The following DGKB variants were observed in gnomAD, a reference collection of about 807,000 sequenced individuals.
DGKB encodes diacylglycerol kinase beta, also known as 90 kDa diacylglycerol kinase.
A neutral mutation model predicts 114.3 loss-of-function variants in DGKB; 67 were observed. That is an observed-to-expected ratio of 0.59 (90% CI 0.48 to 0.72). The LOEUF (loss-of-function observed/expected upper bound fraction) is 0.72. Ranked by LOEUF, DGKB falls within the 30% of genes least tolerant of loss-of-function variation. The pLI is 0.00. For missense variants in DGKB, 907 were observed against 975.2 expected, an observed-to-expected ratio of 0.93 and a Z score of 0.93; for synonymous variants, 398 against 323.1, an observed-to-expected ratio of 1.23 and a Z score of -2.49.
intron 1 of DGKB, among the ~76,000 whole-genome samples, chr7:14,895,379 G>GA (rs1183025803): frequency 2.0e-5 from 3 of 151,464 alleles, no homozygotes; most frequent in Non-Finnish European, 1.5e-5. Flanking sequence ...GGTCTACAAT[G>GA]AAAAAAACAT....
At chr7:14,369,908 C>G (rs951155471) in intron 21 of DGKB, among the ~76,000 whole-genome samples, 1 of 152,094 alleles carries the variant, frequency 6.6e-6, no homozygotes, top group Non-Finnish European at 1.5e-5. Context: ...AAAGAACTAT[C>G]TGATTATAGT....
At chr7:14,339,494 ACC>A (rs2128577944) in intron 22 of DGKB, among the ~76,000 whole-genome samples, 1 of 152,082 alleles carries the variant, frequency 6.6e-6, no homozygotes, top group African/African-American at 2.4e-5. Context: ...GTGACAAAAC[ACC>A]CTGGTGATTA....
chr7:14,205,385 T>A (rs1786610112), intron 23 of DGKB, among the ~76,000 whole-genome samples: 1 of 151,790 alleles, frequency 6.6e-6, no homozygotes, highest in South Asian at 2.1e-4. Flanking sequence ...CTTTCCTATC[T>A]CTTTTCTTAT....
intron 23 of DGKB, among the ~76,000 whole-genome samples, chr7:14,312,933 TTTG>T (rs1208023390): frequency 6.6e-6 from 1 of 152,214 alleles, no homozygotes; most frequent in African/African-American, 2.4e-5. Context: ...TGTGTCAATA[TTTG>T]AAAGCCTGCA....
chr7:14,906,447 CTTTTT>C (rs34250901), upstream of DGKB, among the ~76,000 whole-genome samples: 3 of 103,874 alleles, frequency 2.9e-5, no homozygotes, highest in African/African-American at 6.6e-5. Context: ...TTTTTTCTGT[CTTTTT>C]TTTTTTTTTT....
At chr7:14,260,250 C>T (rs1158551046) in intron 23 of DGKB, among the ~76,000 whole-genome samples, 1 of 152,128 alleles carries the variant, frequency 6.6e-6, no homozygotes, top group African/African-American at 2.4e-5. Context: ...ATAGAATGCA[C>T]ACTTGCTGAC....
intron 21 of DGKB, among the ~76,000 whole-genome samples, chr7:14,399,221 A>G (rs1018811203): frequency 2.6e-5 from 4 of 151,716 alleles, no homozygotes; most frequent in African/African-American, 4.8e-5. Flanking sequence ...TATCAAAAAT[A>G]TATTTGAAAG....
intron 2 of DGKB, among the ~76,000 whole-genome samples, chr7:14,823,108 T>C (rs1484614758): frequency 1.3e-5 from 2 of 151,754 alleles, no homozygotes; most frequent in Non-Finnish European, 2.9e-5. Context: ...GATATCTTTG[T>C]ATGTTAAAAG....
chr7:14,947,226 G>C (rs1785934522), intron 1 of DGKB, among the ~76,000 whole-genome samples: 2 of 151,632 alleles, frequency 1.3e-5, no homozygotes, highest in South Asian at 4.2e-4. Context: ...AAAGTATAAG[G>C]TCTGTTTAGG....
intron 13 of DGKB, among the ~76,000 whole-genome samples, chr7:14,633,749 G>T (rs1360127659): frequency 6.6e-6 from 1 of 151,472 alleles, no homozygotes. Context: ...TCCAATGTGA[G>T]GTGTGACTAC....
At chr7:14,265,318 C>CTTTTTTT (rs781569705) in intron 23 of DGKB, among the ~76,000 whole-genome samples, 12,658 of 67,044 alleles carry the variant, frequency 0.19, 2,685 homozygotes, top group East Asian at 0.45. Flanking sequence ...CTCTTGCATT[C>CTTTTTTT]TTTTTTTTTT....
In DGKB at chr7:14,458,341, A is replaced by C. The variant is rs543326237; in HGVS notation, c.1835+19820T>G. On this transcript the variant is annotated intron_variant, in intron 21 of 25. Transcript: ENST00000402815. ...TAAGTTAAATAATTTAAATTTAAAT[A>C]AATTCTGAATAAATACCTCTGATAA... Among the ~76,000 whole-genome samples, 34 of 152,366 alleles carry C rather than the reference A, an allele frequency of 2.2e-4. No individual in the cohort carries two copies. The South Asian group carries it at 5.0e-3, about 22-fold the overall frequency.
At chr7:14,879,788 A>G (rs1426958837) in intron 1 of DGKB, among the ~76,000 whole-genome samples, 2 of 152,204 alleles carry the variant, frequency 1.3e-5, no homozygotes, top group African/African-American at 2.4e-5. Flanking sequence ...ATGACAAGTT[A>G]AAATTCTCTT....
intron 25 of DGKB, among the ~76,000 whole-genome samples, chr7:14,173,881 G>A (rs1781360921): frequency 6.6e-6 from 1 of 152,008 alleles, no homozygotes. Flanking sequence ...GTTTACAAGG[G>A]AAGAAAATTA....
chr7:14,246,135 C>T (rs779191763), intron 23 of DGKB, among the ~76,000 whole-genome samples: 1 of 152,056 alleles, frequency 6.6e-6, no homozygotes, highest in Non-Finnish European at 1.5e-5. Context: ...TTCATGAAAG[C>T]TTCATTTAGC....
rs1223083830 is a variant in DGKB at position 14,694,251 on chromosome 7, G to C, written c.592-57C>G. ...GTCAACCAATAAAATAAATTTCATA[G>C]GCTACAACATATGAAATTGTGACTA... On this transcript the variant is annotated intron_variant, in intron 8 of 25. Transcript: ENST00000402815. 5 of 1,453,488 alleles carry C rather than the reference G, an allele frequency of 3.4e-6. No homozygotes were observed. The African/African-American group carries it at 7.1e-5, about 21-fold the overall frequency. The allele number at this position is 1,453,488 out of a possible 1,614,324, so 90.0% of individuals were successfully genotyped here. A position where few individuals can be genotyped will look rare whatever the true frequency, so the allele number is the denominator to read the frequency against.
intron 17 of DGKB, among the ~76,000 whole-genome samples, chr7:14,589,741 A>T (rs969112235): frequency 6.6e-6 from 1 of 152,046 alleles, no homozygotes; most frequent in Non-Finnish European, 1.5e-5. Context: ...CCTTTCAGGC[A>T]CCCAAATTGA....
At chr7:14,525,333 A>G (rs1010079312) in intron 20 of DGKB, among the ~76,000 whole-genome samples, 2 of 152,200 alleles carry the variant, frequency 1.3e-5, no homozygotes, top group Non-Finnish European at 2.9e-5. Context: ...GTCCCAGGGA[A>G]GCTGAAAGAT....
intron 2 of DGKB, among the ~76,000 whole-genome samples, chr7:14,764,577 C>T (rs1045016791): frequency 6.6e-6 from 1 of 151,770 alleles, no homozygotes; most frequent in East Asian, 1.9e-4. Context: ...GTCATGAGGA[C>T]CTTTAAAAAA....
Sources: gnomAD v4.1 joint callset for allele counts (sites outside exome capture counted in the v4.1 genomes callset) on GRCh38, gnomAD v4.1.1 for gene constraint, MANE v1.5 for transcripts, NCBI Gene and HGNC (gene_info 2026-07-23, HGNC 2026-07-21) for gene names.